ASIC2: variants seen among roughly 807,000 people sequenced by gnomAD.
ASIC2 encodes the protein acid-sensing ion channel 2.
A neutral mutation model predicts 57.3 loss-of-function variants in ASIC2; 25 were observed. The ratio of observed to expected loss-of-function variants is 0.44; its 90% CI spans 0.32 to 0.61. The LOEUF (loss-of-function observed/expected upper bound fraction) is 0.61, where lower values mean the gene tolerates loss of function less well. ASIC2 is among the 20% of genes least tolerant of loss of function. The probability of loss-of-function intolerance (pLI) is 0.06; values close to 1 mark genes in which losing one functional copy is unlikely to be tolerated. For missense variants in ASIC2, 641 were observed against 738.1 expected (o/e 0.87, Z 1.52); for synonymous variants, 319 against 307.5 (o/e 1.04, Z -0.39).
chr17:33,592,506 A>G (rs1186970153), intron 1 of ASIC2, among the ~76,000 whole-genome samples: 3 of 152,264 alleles, frequency 2.0e-5, no homozygotes, highest in Non-Finnish European at 4.4e-5. Flanking sequence ...AACTTACAAT[A>G]CCATCACTGA....
chr17:33,153,605 A>C (rs2142032235), intron 1 of ASIC2, among the ~76,000 whole-genome samples: 1 of 152,278 alleles, frequency 6.6e-6, no homozygotes, highest in Non-Finnish European at 1.5e-5. Context: ...TGCAGGGTTT[A>C]TGCTTTCACA....
At chr17:33,893,759 T>C (rs1271794539) in intron 1 of ASIC2, among the ~76,000 whole-genome samples, 1 of 152,220 alleles carries the variant, frequency 6.6e-6, no homozygotes, top group South Asian at 2.1e-4. Flanking sequence ...ATGTAGTGGA[T>C]CATAAGTCAC....
intron 1 of ASIC2, among the ~76,000 whole-genome samples, chr17:33,372,803 A>G (rs1232542526): frequency 5.3e-5 from 8 of 152,146 alleles, no homozygotes; most frequent in Admixed American, 5.2e-4. Flanking sequence ...TCTGCACCTC[A>G]GGGTGGGAGG....
At chr17:33,922,763 G>C (rs1318033703) in intron 1 of ASIC2, among the ~76,000 whole-genome samples, 2 of 152,140 alleles carry the variant, frequency 1.3e-5, no homozygotes, top group Non-Finnish European at 2.9e-5. Context: ...GCTGGTCAAA[G>C]GCAAAGCATC....
rs142419733 is a variant in ASIC2 at position 34,033,428 on chromosome 17, G to C, written c.555+122550C>G. On this transcript the variant is annotated intron_variant, in intron 1 of 9. Transcript: ENST00000359872. ...GAGAAAGCAGGAAAGATATAAAATT[G>C]ACATCCTAACACCACAATTAAAAGA... 7.6e-4 allele frequency among the ~76,000 whole-genome samples: 116 copies of C among 152,204 alleles called. 1 individual carries two copies. Among genetic ancestry groups the C allele is most frequent in the African/African-American group, 2.7e-3 (112 of 41,524 alleles).
At chr17:33,787,476 G>A (rs558073427) in intron 1 of ASIC2, among the ~76,000 whole-genome samples, 1 of 152,330 alleles carries the variant, frequency 6.6e-6, no homozygotes, top group Admixed American at 6.5e-5. Flanking sequence ...GAAGCCATAT[G>A]TTACCAAAGG....
intron 1 of ASIC2, among the ~76,000 whole-genome samples, chr17:33,944,942 G>A (rs1904328053): frequency 6.6e-6 from 1 of 152,142 alleles, no homozygotes. Context: ...CTGAACATTG[G>A]TTCCCCAATA....
intron 1 of ASIC2, among the ~76,000 whole-genome samples, chr17:33,694,030 A>T (rs1229557794): frequency 6.6e-6 from 1 of 152,190 alleles, no homozygotes; most frequent in Non-Finnish European, 1.5e-5. Context: ...ACTTGCCCAC[A>T]TTACTTGCTT....
intron 1 of ASIC2, among the ~76,000 whole-genome samples, chr17:33,151,187 AC>A (rs1904779937): frequency 1.3e-5 from 2 of 149,274 alleles, no homozygotes; most frequent in African/African-American, 4.9e-5. Context: ...ACACGCACAC[AC>A]ACACACACAC....
intron 1 of ASIC2, among the ~76,000 whole-genome samples, chr17:33,782,469 AC>A (rs59118891): frequency 0.044 from 6,648 of 151,802 alleles, 343 homozygotes; most frequent in African/African-American, 0.13. Flanking sequence ...GGTGGCTCAC[AC>A]CTGTAATTCC....
intron 1 of ASIC2, among the ~76,000 whole-genome samples, chr17:33,288,715 G>C (rs1290850044): frequency 1.4e-4 from 20 of 143,596 alleles, no homozygotes; most frequent in South Asian, 4.7e-4. Flanking sequence ...AGCTCTCTCT[G>C]ACACACACAC....
chr17:33,473,043 G>A (rs1219961447), intron 1 of ASIC2, among the ~76,000 whole-genome samples: 3 of 152,236 alleles, frequency 2.0e-5, no homozygotes, highest in African/African-American at 7.2e-5. Flanking sequence ...GGAGCACAGA[G>A]TCTGGCCATA....
intron 1 of ASIC2, among the ~76,000 whole-genome samples, chr17:33,934,214 C>A (rs1214522452): frequency 6.6e-6 from 1 of 152,194 alleles, no homozygotes; most frequent in Non-Finnish European, 1.5e-5. Context: ...ATTTGGAAAT[C>A]AAGTATTATG....
At chr17:33,014,786 C>G (rs1003463585) in intron 9 of ASIC2, among the ~76,000 whole-genome samples, 2 of 152,148 alleles carry the variant, frequency 1.3e-5, no homozygotes, top group Non-Finnish European at 2.9e-5. Flanking sequence ...ACGCTGAGAC[C>G]TTCTGAAGCA....
intron 1 of ASIC2, among the ~76,000 whole-genome samples, chr17:34,019,637 T>C (rs969806354): frequency 4.6e-5 from 7 of 152,220 alleles, no homozygotes; most frequent in African/African-American, 1.7e-4. Flanking sequence ...TATTTAGAAG[T>C]AATGCAAATG....
At chr17:33,610,051 G>GGC (rs767821413) in intron 1 of ASIC2, among the ~76,000 whole-genome samples, 207 of 110,762 alleles carry the variant, frequency 1.9e-3, no homozygotes, top group African/African-American at 3.3e-3. Context: ...CCTGGACAGA[G>GGC]GCGCACACAC....
At chr17:33,825,150 G>T (rs548754853) in intron 1 of ASIC2, among the ~76,000 whole-genome samples, 3 of 152,048 alleles carry the variant, frequency 2.0e-5, no homozygotes, top group Non-Finnish European at 4.4e-5. Context: ...TCTATTTTTT[G>T]TCACTTCCCA....
chr17:33,317,692 G>A (rs118104960), intron 1 of ASIC2, among the ~76,000 whole-genome samples: 6 of 152,244 alleles, frequency 3.9e-5, no homozygotes, highest in African/African-American at 7.2e-5. Flanking sequence ...TTACAATCTA[G>A]TAGGGAGATA....
intron 1 of ASIC2, among the ~76,000 whole-genome samples, chr17:34,128,449 CT>C (rs1911853679): frequency 6.6e-6 from 1 of 152,176 alleles, no homozygotes; most frequent in Non-Finnish European, 1.5e-5. Context: ...GTGTGGTTCA[CT>C]TTCCCCTGCA....
Sources: allele counts gnomAD v4.1 joint callset (sites outside exome capture counted in the v4.1 genomes callset), GRCh38; gene constraint gnomAD v4.1.1; transcripts MANE v1.5; gene names NCBI Gene and HGNC (gene_info 2026-07-23, HGNC 2026-07-21).